Variants in SGCZ observed in about 807,000 individuals in gnomAD.
The protein encoded by SGCZ is zeta-sarcoglycan.
SGCZ carries 40 observed loss-of-function variants against 41.3 expected under a neutral mutation model. The observed-to-expected ratio is 0.97, with a 90% confidence interval of 0.75 to 1.26. The LOEUF (loss-of-function observed/expected upper bound fraction) is 1.26, where lower values mean the gene tolerates loss of function less well. Ranked by LOEUF, SGCZ falls within the 50% of genes most tolerant of loss-of-function variation. The pLI, the probability that SGCZ is intolerant of heterozygous loss-of-function variation, is 0.00. For missense variants in SGCZ, 552 were observed against 369.8 expected (o/e 1.49, Z -4.04); for synonymous variants, 206 against 137.5 (o/e 1.50, Z -3.49).
At chr8:14,193,085 T>A (rs1585218495) in intron 4 of SGCZ, among the ~76,000 whole-genome samples, 1 of 151,972 alleles carries the variant, frequency 6.6e-6, no homozygotes, top group East Asian at 1.9e-4. Flanking sequence ...TTATAGGCTG[T>A]CAAAATCTTT....
chr8:14,593,526 T>C (rs896107842), intron 1 of SGCZ, among the ~76,000 whole-genome samples: 1 of 152,206 alleles, frequency 6.6e-6, no homozygotes, highest in Non-Finnish European at 1.5e-5. Context: ...AAAATTTTAA[T>C]TAAAATATTT....
At chr8:14,834,642 T>A (rs1218647820) in intron 1 of SGCZ, among the ~76,000 whole-genome samples, 1 of 152,162 alleles carries the variant, frequency 6.6e-6, no homozygotes. Flanking sequence ...TGATCGCACT[T>A]TGGAGCGGAA....
intron 2 of SGCZ, among the ~76,000 whole-genome samples, chr8:14,340,678 A>G (rs1414255721): frequency 6.6e-6 from 1 of 152,214 alleles, no homozygotes; most frequent in Non-Finnish European, 1.5e-5. Flanking sequence ...AGTAGCTTAT[A>G]GCAGACTAAT....
At chr8:15,135,367 C>T (rs1448818388) in intron 1 of SGCZ, among the ~76,000 whole-genome samples, 1 of 152,086 alleles carries the variant, frequency 6.6e-6, no homozygotes, top group Non-Finnish European at 1.5e-5. Context: ...TCTGGCTTTT[C>T]ATTTGAAAAG....
chr8:14,361,765 G>A (rs769463358), intron 2 of SGCZ, among the ~76,000 whole-genome samples: 7 of 152,096 alleles, frequency 4.6e-5, no homozygotes, highest in African/African-American at 7.2e-5. Flanking sequence ...GAGGCATTCC[G>A]GTTTTTGGAA....
chr8:14,528,923 A>G (rs554679061), intron 2 of SGCZ, among the ~76,000 whole-genome samples: 1 of 152,102 alleles, frequency 6.6e-6, no homozygotes, highest in African/African-American at 2.4e-5. Flanking sequence ...GGGATCTCAG[A>G]CATCATCCAC....
At chr8:14,254,147 T>C (rs145135246) in intron 3 of SGCZ, among the ~76,000 whole-genome samples, 1 of 152,284 alleles carries the variant, frequency 6.6e-6, no homozygotes, top group East Asian at 1.9e-4. Context: ...TCTAAGCACT[T>C]ATCTCGTTGC....
chr8:14,135,783 C>G (rs1478115423), intron 5 of SGCZ, among the ~76,000 whole-genome samples: 1 of 152,138 alleles, frequency 6.6e-6, no homozygotes, highest in African/African-American at 2.4e-5. Context: ...GGATAAAATA[C>G]TAACTAGTTT....
At chr8:15,220,636 C>T (rs1490450452) in intron 1 of SGCZ, among the ~76,000 whole-genome samples, 1 of 152,046 alleles carries the variant, frequency 6.6e-6, no homozygotes, top group East Asian at 1.9e-4. Context: ...CTGGAAATAC[C>T]ATTTGACCCC....
At chr8:14,866,304 G>A (rs79375029) in intron 1 of SGCZ, among the ~76,000 whole-genome samples, 10,561 of 152,038 alleles carry the variant, frequency 0.069, 555 homozygotes, top group East Asian at 0.2. Context: ...TTCTCTCGGG[G>A]CCAATCAATG....
intron 5 of SGCZ, among the ~76,000 whole-genome samples, chr8:14,123,591 T>G (rs12675733): frequency 0.19 from 28,551 of 152,154 alleles, 3,538 homozygotes; most frequent in East Asian, 0.66. Flanking sequence ...TCTGAATGAG[T>G]TATTTCTCTG....
intron 1 of SGCZ, among the ~76,000 whole-genome samples, chr8:14,766,582 G>A (rs920158966): frequency 1.3e-5 from 2 of 151,354 alleles, no homozygotes; most frequent in African/African-American, 4.9e-5. Context: ...TTCTTCTTTA[G>A]ACAGTGTTTC....
At chr8:14,271,679 G>T in intron 3 of SGCZ, among the ~76,000 whole-genome samples, 1 of 152,110 alleles carries the variant, frequency 6.6e-6, no homozygotes, top group East Asian at 1.9e-4. Flanking sequence ...GAAACACACA[G>T]ATCAACCTCC....
intron 2 of SGCZ, among the ~76,000 whole-genome samples, chr8:14,328,180 A>G (rs1436626546): frequency 6.6e-6 from 1 of 152,214 alleles, no homozygotes; most frequent in Non-Finnish European, 1.5e-5. Context: ...TCTCACACTC[A>G]GGCATTAAGT....
At chr8:14,199,715 C>A (rs759178012) in intron 4 of SGCZ, among the ~76,000 whole-genome samples, 1 of 151,966 alleles carries the variant, frequency 6.6e-6, no homozygotes, top group Non-Finnish European at 1.5e-5. Context: ...AGAAAAGAAC[C>A]TACGTGAAAT....
chr8:15,071,600 T>C (rs188420250), intron 1 of SGCZ, among the ~76,000 whole-genome samples: 5 of 152,328 alleles, frequency 3.3e-5, no homozygotes, highest in Non-Finnish European at 7.3e-5. Flanking sequence ...TCTTACCCAT[T>C]CATGACATTT....
intron 1 of SGCZ, among the ~76,000 whole-genome samples, chr8:14,840,266 A>G (rs1471412555): frequency 6.6e-6 from 1 of 152,142 alleles, no homozygotes; most frequent in Non-Finnish European, 1.5e-5. Context: ...CACCTATTAT[A>G]TTGCAAGGGA....
intron 1 of SGCZ, among the ~76,000 whole-genome samples, chr8:14,782,017 CTG>C (rs1800603931): frequency 6.6e-6 from 1 of 152,156 alleles, no homozygotes; most frequent in Non-Finnish European, 1.5e-5. Context: ...TATGGACTCT[CTG>C]TACTTGACTA....
chr8:14,493,556 TG>T (rs1801907774), intron 2 of SGCZ, among the ~76,000 whole-genome samples: 4 of 151,172 alleles, frequency 2.6e-5, no homozygotes, highest in Admixed American at 1.3e-4. Context: ...TTAGTAGAGA[TG>T]GGGTTTCACC....
Sources: allele counts gnomAD v4.1 joint callset (sites outside exome capture counted in the v4.1 genomes callset), GRCh38; gene constraint gnomAD v4.1.1; transcripts MANE v1.5; gene names NCBI Gene and HGNC (gene_info 2026-07-23, HGNC 2026-07-21).